AFF3: variants seen among roughly 807,000 people sequenced by gnomAD.
The protein encoded by AFF3 is AF4/FMR2 family member 3.
Under a neutral mutation model 129.7 loss-of-function variants are expected in AFF3, and 32 were observed. That is an observed-to-expected ratio of 0.25 (90% CI 0.19 to 0.33). The LOEUF is 0.33. Ranked by LOEUF, AFF3 falls within the 10% of genes least tolerant of loss-of-function variation. AFF3 has a pLI of 1.00. For synonymous variants in AFF3, 644 were observed against 635.4 expected (o/e 1.01, Z -0.20); for missense variants, 1,373 against 1,592.0 (o/e 0.86, Z 2.34).
chr2:100,137,817 T>G (rs1280236686), intron 1 of AFF3, among the ~76,000 whole-genome samples: 1 of 152,168 alleles, frequency 6.6e-6, no homozygotes, highest in Non-Finnish European at 1.5e-5. Context: ...GTCCATAACA[T>G]CTATGCCCAG....
intron 7 of AFF3, among the ~76,000 whole-genome samples, chr2:99,961,751 G>C (rs1177290961): frequency 6.6e-6 from 1 of 152,182 alleles, no homozygotes; most frequent in African/African-American, 2.4e-5. Flanking sequence ...CCTGCCAATA[G>C]AAGAAGGCAA....
At chr2:99,936,815 A>G (rs1255608715) in intron 7 of AFF3, among the ~76,000 whole-genome samples, 2 of 152,162 alleles carry the variant, frequency 1.3e-5, no homozygotes, top group African/African-American at 4.8e-5. Context: ...AAGTATTGTC[A>G]TGCATTTTTC....
intron 13 of AFF3, among the ~76,000 whole-genome samples, chr2:99,642,565 T>C (rs918715289): frequency 1.3e-5 from 2 of 152,260 alleles, no homozygotes; most frequent in Non-Finnish European, 2.9e-5. Flanking sequence ...AGCTCATCCA[T>C]TCATTTATCA....
At chr2:99,904,297 T>C (rs1340967594) in intron 7 of AFF3, among the ~76,000 whole-genome samples, 1 of 152,154 alleles carries the variant, frequency 6.6e-6, no homozygotes, top group Admixed American at 6.5e-5. Context: ...CATCATGTTC[T>C]ATCTTTAAAA....
At chr2:100,051,610 G>A (rs1284651583) in intron 4 of AFF3, among the ~76,000 whole-genome samples, 1 of 152,144 alleles carries the variant, frequency 6.6e-6, no homozygotes, top group Non-Finnish European at 1.5e-5. Flanking sequence ...AAACCAGCAT[G>A]GCTCACATTT....
intron 8 of AFF3, among the ~76,000 whole-genome samples, chr2:99,806,687 C>G (rs1432554198): frequency 1.3e-5 from 2 of 152,120 alleles, no homozygotes; most frequent in Admixed American, 6.6e-5. Context: ...CTTCATATAC[C>G]TGTCTCCACG....
chr2:99,960,306 A>C (rs919075619), intron 7 of AFF3, among the ~76,000 whole-genome samples: 1 of 152,194 alleles, frequency 6.6e-6, no homozygotes, highest in Non-Finnish European at 1.5e-5. Context: ...TTAAATAATA[A>C]TAATACGGGT....
chr2:99,637,391 T>C (rs1172752195), intron 13 of AFF3, among the ~76,000 whole-genome samples: 1 of 152,234 alleles, frequency 6.6e-6, no homozygotes, highest in Non-Finnish European at 1.5e-5. Flanking sequence ...GGCACCTGTG[T>C]TCAGAAACAC....
At chr2:99,896,532 C>T (rs1693955636) in intron 7 of AFF3, among the ~76,000 whole-genome samples, 1 of 150,092 alleles carries the variant, frequency 6.7e-6, no homozygotes, top group African/African-American at 2.4e-5. Flanking sequence ...TCAGAAGTTT[C>T]CAGCTGAAGT....
intron 7 of AFF3, among the ~76,000 whole-genome samples, chr2:99,969,812 T>C (rs1678175102): frequency 6.6e-6 from 1 of 152,226 alleles, no homozygotes; most frequent in Non-Finnish European, 1.5e-5. Context: ...CAAATCTAGA[T>C]ACAAATTTTA....
At chr2:99,999,917 C>T (rs1444841179) in intron 7 of AFF3, among the ~76,000 whole-genome samples, 1 of 152,194 alleles carries the variant, frequency 6.6e-6, no homozygotes, top group African/African-American at 2.4e-5. Context: ...GTATCACTTC[C>T]AGAGGCATCT....
At chr2:99,914,020 G>T (rs1259187397) in intron 7 of AFF3, among the ~76,000 whole-genome samples, 1 of 152,098 alleles carries the variant, frequency 6.6e-6, no homozygotes, top group Non-Finnish European at 1.5e-5. Context: ...GCTTCTGGTA[G>T]GTACCACCAA....
intron 7 of AFF3, among the ~76,000 whole-genome samples, chr2:99,980,397 G>C (rs1439003344): frequency 9.2e-5 from 14 of 152,220 alleles, no homozygotes; most frequent in Non-Finnish European, 2.1e-4. Context: ...GGCAGTTAGA[G>C]ACAGCACAGC....
At chr2:99,588,671 G>C (rs1678362503) in intron 15 of AFF3, among the ~76,000 whole-genome samples, 1 of 152,158 alleles carries the variant, frequency 6.6e-6, no homozygotes, top group Non-Finnish European at 1.5e-5. Flanking sequence ...CACAGCCTCT[G>C]CCACAGGGGC....
chr2:99,574,190 C>G (rs994040275), intron 18 of AFF3, among the ~76,000 whole-genome samples: 1 of 152,118 alleles, frequency 6.6e-6, no homozygotes, highest in African/African-American at 2.4e-5. Flanking sequence ...GTTTTTTAAA[C>G]AAAAGTTTGA....
chr2:99,947,965 C>T (rs922727632), intron 7 of AFF3, among the ~76,000 whole-genome samples: 2 of 152,048 alleles, frequency 1.3e-5, no homozygotes, highest in African/African-American at 2.4e-5. Context: ...ATCCTGCAGC[C>T]GAGATCAGGC....
chr2:100,002,476 CA>C (rs1282787410), intron 7 of AFF3, among the ~76,000 whole-genome samples: 17 of 152,170 alleles, frequency 1.1e-4, no homozygotes, highest in Non-Finnish European at 2.5e-4. Context: ...TATGATTAAT[CA>C]ATACATCTTA....
intron 13 of AFF3, among the ~76,000 whole-genome samples, chr2:99,616,994 TG>T (rs749088638): frequency 6.6e-5 from 10 of 152,250 alleles, no homozygotes; most frequent in Non-Finnish European, 8.8e-5. Context: ...AGCACTTTGC[TG>T]CTTTTCCTGG....
intron 7 of AFF3, among the ~76,000 whole-genome samples, chr2:99,947,511 AAGAG>A (rs200130544): frequency 5.7e-5 from 6 of 105,502 alleles, no homozygotes; most frequent in East Asian, 1.9e-4. Context: ...AAGAAAGAAA[AAGAG>A]AGAGAGAGAA....
Sources: gnomAD v4.1 joint callset for allele counts (sites outside exome capture counted in the v4.1 genomes callset) on GRCh38, gnomAD v4.1.1 for gene constraint, MANE v1.5 for transcripts, NCBI Gene and HGNC (gene_info 2026-07-23, HGNC 2026-07-21) for gene names.